GRM1: variants seen among roughly 807,000 people sequenced by gnomAD.
The protein encoded by GRM1 is glutamate metabotropic receptor 1.
In GRM1, 33 loss-of-function variants were observed where a neutral mutation model predicts 90.9. The observed-to-expected ratio is 0.36, with a 90% confidence interval of 0.28 to 0.49. The LOEUF (loss-of-function observed/expected upper bound fraction) is 0.49, where lower values mean the gene tolerates loss of function less well. Among genes scored for constraint, GRM1 ranks in the 20% least tolerant of loss-of-function variants. The pLI, the probability that GRM1 is intolerant of heterozygous loss-of-function variation, is 0.99. For missense variants in GRM1, 1,190 were observed against 1,534.3 expected, an observed-to-expected ratio of 0.78 and a Z score of 3.75; for synonymous variants, 700 against 613.2, an observed-to-expected ratio of 1.14 and a Z score of -2.09.
At chr6:146,211,841 G>A (rs1779697853) in intron 2 of GRM1, among the ~76,000 whole-genome samples, 3 of 152,162 alleles carry the variant, frequency 2.0e-5, no homozygotes, top group African/African-American at 7.2e-5. Flanking sequence ...TCAGGAACTG[G>A]GCTAACCCAG....
chr6:146,203,479 A>G (rs1364256116), intron 2 of GRM1, among the ~76,000 whole-genome samples: 1 of 152,154 alleles, frequency 6.6e-6, no homozygotes, highest in Non-Finnish European at 1.5e-5. Context: ...TCTTAGATTC[A>G]TCAACTAGAA....
In GRM1 at chr6:146,270,974, TTC is replaced by T. The variant is rs1241711264; in HGVS notation, c.951-33625_951-33624del. ...CTTCCTTTCTTTCTTTCTTTTTTTT[TTC>T]TCTCTCTCTCTTTCTTTCCTTCTTT... On this transcript the variant is annotated intron_variant, in intron 2 of 7. Coordinates refer to ENST00000282753, the MANE Select transcript of GRM1 (RefSeq NM_001278064.2). Among the ~76,000 whole-genome samples the T allele has an allele frequency of 4.3e-5, 6 of 139,664 alleles. 1 individual carries two copies. Among genetic ancestry groups the T allele is most frequent in the Admixed American group, 3.6e-4 (5 of 14,074 alleles). The allele number at this position is 139,664 out of a possible 152,430, so 91.6% of individuals were successfully genotyped here.
At chr6:146,360,785 T>C (rs892741065) in intron 5 of GRM1, among the ~76,000 whole-genome samples, 2 of 152,132 alleles carry the variant, frequency 1.3e-5, no homozygotes, top group African/African-American at 4.8e-5. Flanking sequence ...AAGGATTAAT[T>C]GCTAATACAT....
chr6:146,414,559 C>T (rs1000009249), intron 7 of GRM1, among the ~76,000 whole-genome samples: 24 of 152,064 alleles, frequency 1.6e-4, no homozygotes, highest in African/African-American at 2.7e-4. Context: ...CCCGCCACCA[C>T]GCCTGGCTAA....
At chr6:146,426,922 C>G (rs1221424992) in intron 7 of GRM1, among the ~76,000 whole-genome samples, 1 of 152,100 alleles carries the variant, frequency 6.6e-6, no homozygotes, top group Non-Finnish European at 1.5e-5. Context: ...CTCCCACTCA[C>G]AAGCCCGAAA....
Position 146,399,025 on chromosome 6 carries a change from C to T in GRM1, c.1986C>T (p.Leu662=), listed in dbSNP as rs760043928. The T allele has an allele frequency of 1.2e-6, 2 of 1,614,084 alleles. No individual in the cohort carries two copies. The highest frequency in any genetic ancestry group is 1.1e-5 in the South Asian group (1 of 91,086). ...PTTTSCYLQR[L]LVGLSSAMCY... ...CCACCTCCTGCTACCTCCAGCGCCTCTTGGTTGGCCTCTCCTCTGCGATGT... is the reference window on the plus strand; with the variant it reads ...CCACCTCCTGCTACCTCCAGCGCCTTTTGGTTGGCCTCTCCTCTGCGATGT... Residue 662 remains leucine (L), a synonymous_variant, in exon 7 of 8, where the codon CTC becomes CTT. Transcript: ENST00000282753. The surrounding 1 kb of genome is among the most constrained non-coding windows in gnomAD (Gnocchi z 5.4).
In GRM1 at chr6:146,243,778, A is replaced by G. The variant is rs140302665; in HGVS notation, c.951-60833A>G. On this transcript the variant is annotated intron_variant, in intron 2 of 7. Transcript: ENST00000282753. ...ACAACTGGTCTGACCAAAATTTATT[A>G]GGTGGGAATGTCCTCATCCTAATAA... is the stretch of plus-strand genomic sequence containing the variant. Among the ~76,000 whole-genome samples the G allele has an allele frequency of 1.3e-4, 20 of 152,248 alleles. No homozygotes were observed. The East Asian group carries it at 3.7e-3, about 28-fold the overall frequency.
intron 2 of GRM1, among the ~76,000 whole-genome samples, chr6:146,247,890 A>G (rs1430001789): frequency 6.7e-6 from 1 of 148,808 alleles, no homozygotes; most frequent in African/African-American, 2.5e-5. Context: ...ATGTTACAGT[A>G]TGCTATATCA....
intron 1 of GRM1, among the ~76,000 whole-genome samples, chr6:146,086,379 A>C (rs1244954242): frequency 6.6e-6 from 1 of 152,080 alleles, no homozygotes; most frequent in East Asian, 1.9e-4. Flanking sequence ...ACAACTTTAC[A>C]ACAGATTAGT....
chr6:146,204,696 C>A (rs1779433373), intron 2 of GRM1, among the ~76,000 whole-genome samples: 1 of 152,000 alleles, frequency 6.6e-6, no homozygotes, highest in Admixed American at 6.6e-5. Context: ...AAAATACTGC[C>A]AAAAAGGTTG....
At chr6:146,264,557 G>A (rs1384477354) in intron 2 of GRM1, among the ~76,000 whole-genome samples, 1 of 151,610 alleles carries the variant, frequency 6.6e-6, no homozygotes, top group East Asian at 1.9e-4. Context: ...TACATGTGTA[G>A]GTTTGTTACA....
At position 146,045,981 on chromosome 6, in the gene GRM1, A is replaced by G. The variant is rs181127972; in HGVS notation, c.700+15764A>G. 1.4e-4 allele frequency among the ~76,000 whole-genome samples: 21 copies of G among 152,070 alleles called. No homozygotes were observed. The East Asian group carries it at 2.3e-3, about 17-fold the overall frequency. ...TTACACTTTAGCGCCCGTGGGCAGC[A>G]AGAGGTGTACTGAGTAGGAGGACCT... On this transcript the variant is annotated intron_variant, in intron 1 of 7. Coordinates refer to ENST00000282753, the MANE Select transcript of GRM1 (RefSeq NM_001278064.2).
At chr6:146,034,703 G>A (rs915607308) in intron 1 of GRM1, among the ~76,000 whole-genome samples, 3 of 151,840 alleles carry the variant, frequency 2.0e-5, no homozygotes, top group African/African-American at 7.2e-5. Flanking sequence ...ACCCTTTCAC[G>A]AGCAAACTAC....
intron 2 of GRM1, among the ~76,000 whole-genome samples, chr6:146,280,221 C>A (rs1003524174): frequency 6.6e-6 from 1 of 152,036 alleles, no homozygotes. Context: ...GGATAATGAT[C>A]CCTGGTGGAA....
At chr6:146,147,375 G>A (rs975870757) in intron 1 of GRM1, among the ~76,000 whole-genome samples, 2 of 152,150 alleles carry the variant, frequency 1.3e-5, no homozygotes, top group African/African-American at 4.8e-5. Context: ...CTCTGTAAAT[G>A]GAGAGAATTA....
At chr6:146,267,685 C>A (rs10782298) in intron 2 of GRM1, among the ~76,000 whole-genome samples, 1 of 87,024 alleles carries the variant, frequency 1.1e-5, no homozygotes, top group African/African-American at 1.0e-4. Flanking sequence ...GGGCTGGGCT[C>A]GGCTCGGCTC....
chr6:146,053,017 A>G (rs2128849532), intron 1 of GRM1, among the ~76,000 whole-genome samples: 2 of 152,152 alleles, frequency 1.3e-5, no homozygotes, highest in South Asian at 4.1e-4. Flanking sequence ...GTGACTAGAC[A>G]TTGCTAATTG....
intron 1 of GRM1, among the ~76,000 whole-genome samples, chr6:146,050,252 A>T (rs1791477776): frequency 6.6e-6 from 1 of 152,004 alleles, no homozygotes; most frequent in South Asian, 2.1e-4. Flanking sequence ...GATAAAATAA[A>T]TGCACACTGG....
At chr6:146,179,493 G>A (rs1778460759) in intron 2 of GRM1, among the ~76,000 whole-genome samples, 5 of 152,154 alleles carry the variant, frequency 3.3e-5, no homozygotes. Flanking sequence ...AGCATGCCCA[G>A]AATTAGAACT....
Sources: gnomAD v4.1 joint callset for allele counts (sites outside exome capture counted in the v4.1 genomes callset) on GRCh38, gnomAD v4.1.1 for gene constraint, Gnocchi (gnomAD v3.1) non-coding constraint, MANE v1.5 for transcripts, NCBI Gene and HGNC (gene_info 2026-07-23, HGNC 2026-07-21) for gene names.